Variants in KIF9 observed in about 807,000 individuals in gnomAD.
The protein encoded by KIF9 is kinesin-like protein KIF9.
In KIF9, 68 loss-of-function variants were observed where a neutral mutation model predicts 94.8. That is an observed-to-expected ratio of 0.72 (90% CI 0.59 to 0.88). KIF9 has a LOEUF of 0.88. KIF9 is among the 40% of genes least tolerant of loss of function. The probability of loss-of-function intolerance (pLI) is 0.00; values close to 1 mark genes in which losing one functional copy is unlikely to be tolerated. For synonymous variants in KIF9, 343 were observed against 362.1 expected, an observed-to-expected ratio of 0.95 and a Z score of 0.60; for missense variants, 882 against 982.5, an observed-to-expected ratio of 0.90 and a Z score of 1.37.
chr3:47,247,531 G>A (rs772139951), intron 11 of KIF9, 54 bp from the exon 12 acceptor site: 2 of 1,361,278 alleles, frequency 1.5e-6, no homozygotes, highest in South Asian at 1.2e-5. Context: ...GAGCCCACAG[G>A]GGAGTGGCAG....
At chr3:47,264,936 C>T (rs984252182) in intron 8 of KIF9, among the ~76,000 whole-genome samples, 1 of 152,164 alleles carries the variant, frequency 6.6e-6, no homozygotes, top group Non-Finnish European at 1.5e-5. Flanking sequence ...TGAGGATACG[C>T]GAGAAGGTAG....
chr3:47,282,321 A>G (rs1210392753), intron 1 of KIF9, 174 bp downstream of exon 1: 2 of 985,694 alleles, frequency 2.0e-6, no homozygotes, highest in Non-Finnish European at 2.4e-6. Flanking sequence ...AGCCGCGGTC[A>G]GGTTGAAAGG....
At position 47,265,748 on chromosome 3, in the gene KIF9, CGTG is replaced by C; in HGVS notation, c.895_897del (p.His299del). On this transcript the variant is annotated inframe_deletion, in exon 8 of 21. Transcript: ENST00000684063. The stretch of plus-strand genomic sequence containing the variant: ...CCCTCACCTAACGAGTCCTTCAGAG[CGTG>C]GGTGAGCTTGCACTGCCGAAAGGGG... 1 of 1,614,124 alleles carries C rather than the reference CGTG, an allele frequency of 6.2e-7. No homozygotes were observed. Among genetic ancestry groups the C allele is most frequent in the Non-Finnish European group, 8.5e-7 (1 of 1,180,006 alleles).
intron 20 of KIF9, among the ~76,000 whole-genome samples, chr3:47,232,845 G>A (rs1698703349): frequency 6.6e-6 from 1 of 151,386 alleles, no homozygotes; most frequent in Non-Finnish European, 1.5e-5. Context: ...AGCTGGGCGT[G>A]GTGGCGGGCA....
intron 9 of KIF9, 51 bp from the exon 10 acceptor site, chr3:47,257,611 C>T (rs1449163908): frequency 1.3e-6 from 2 of 1,511,914 alleles, no homozygotes; most frequent in Admixed American, 1.7e-5. Flanking sequence ...AAAGTGAGAC[C>T]CCAAGAGACC....
chr3:47,249,281 G>A (rs369275534), intron 10 of KIF9, among the ~76,000 whole-genome samples: 12 of 151,982 alleles, frequency 7.9e-5, no homozygotes, highest in African/African-American at 2.2e-4. Flanking sequence ...GAGCAGCTGG[G>A]ATTATAGGCA....
chr3:47,277,336 G>T lies in KIF9; in HGVS notation c.39C>A (p.Val13=). The change falls in exon 2 of 21, where the codon GTC becomes GTA. Residue 13 remains valine, a synonymous_variant. Coordinates refer to ENST00000684063, the MANE Select transcript of KIF9 (RefSeq NM_182902.4). ...TRKKVHAFVR[V]KPTDDFAHEM... ...CATGAGCAAAGTCATCGGTGGGTTT[G>T]ACACGGACAAATGCATGAACTTTTT... 2 of 1,614,010 alleles carry T rather than the reference G, an allele frequency of 1.2e-6. No individual in the cohort carries two copies. Among genetic ancestry groups the T allele is most frequent in the Non-Finnish European group, 8.5e-7 (1 of 1,179,954 alleles).
chr3:47,240,020 G>T (rs1300958846), intron 17 of KIF9: 6 of 1,082,564 alleles, frequency 5.5e-6, no homozygotes, highest in African/African-American at 4.9e-5. Flanking sequence ...GCAGGTCCTG[G>T]GCCCTGCTCC....
intron 20 of KIF9, among the ~76,000 whole-genome samples, chr3:47,233,871 C>T (rs1454097413): frequency 6.6e-6 from 1 of 152,072 alleles, no homozygotes; most frequent in Non-Finnish European, 1.5e-5. Context: ...GGGTCGATCA[C>T]CTGAGGTCAG....
intron 20 of KIF9, chr3:47,231,881 C>T (rs1698614896): frequency 6.6e-6 from 1 of 152,216 alleles, no homozygotes; most frequent in Admixed American, 6.5e-5. Flanking sequence ...AAGATGTCAG[C>T]TTAATCCTAA....
intron 10 of KIF9, chr3:47,250,748 T>C (rs984683782): frequency 9.5e-6 from 2 of 209,870 alleles, no homozygotes; most frequent in Non-Finnish European, 2.1e-5. Flanking sequence ...CTGTGAACAA[T>C]AGGACTTCCT....
intron 6 of KIF9, 49 bp from the exon 7 acceptor site, chr3:47,267,117 G>A (rs2107452192): frequency 6.2e-7 from 1 of 1,602,416 alleles, no homozygotes; most frequent in Non-Finnish European, 8.6e-7. Context: ...AGAAGTTTCT[G>A]ACTGAGCAGG....
At chr3:47,257,460 C>G (rs1310058917) in intron 10 of KIF9, 23 bp downstream of exon 10, 4 of 1,606,748 alleles carry the variant, frequency 2.5e-6, no homozygotes, top group Admixed American at 1.7e-5. Flanking sequence ...CAGTGGGACA[C>G]CTGTCCACAA....
At chr3:47,280,100 GGT>G (rs1159291411) in intron 1 of KIF9, among the ~76,000 whole-genome samples, 2 of 151,996 alleles carry the variant, frequency 1.3e-5, no homozygotes, top group African/African-American at 4.8e-5. Context: ...TGGTAGGACA[GGT>G]GTGTGTCACC....
chr3:47,247,239 G>C (rs566304861), intron 12 of KIF9, 134 bp downstream of exon 12: 1 of 606,162 alleles, frequency 1.6e-6, no homozygotes, highest in Admixed American at 2.5e-5. Flanking sequence ...CTGACATCAA[G>C]AGTCCAGCAC....
chr3:47,273,347 GTC>G (rs1701763020), intron 4 of KIF9, among the ~76,000 whole-genome samples: 1 of 152,184 alleles, frequency 6.6e-6, no homozygotes, highest in East Asian at 1.9e-4. Context: ...ATGGCTCAGA[GTC>G]TGACACCCAA....
chr3:47,257,433 C>G lies in KIF9; in HGVS notation c.1059+50G>C, dbSNP rs775250911. ...TCGCTTGTGTGACCCAAGCAGCAAA[C>G]CCATACACTTTCCCCACAGTGGGAC... On this transcript the variant is annotated intron_variant, in intron 10 of 20. Coordinates refer to ENST00000684063, the MANE Select transcript of KIF9 (RefSeq NM_182902.4). The G allele has an allele frequency of 7.2e-6, 11 of 1,520,132 alleles. No individual in the cohort carries two copies. The African/African-American group carries it at 1.5e-4, about 21-fold the overall frequency. 94.2% of individuals were successfully genotyped at this position (1,520,132 alleles called of 1,614,324 possible). A position where few individuals can be genotyped will look rare whatever the true frequency, so the allele number is the denominator to read the frequency against.
At chr3:47,282,204 C>A in intron 1 of KIF9, 1 of 985,514 alleles carries the variant, frequency 1.0e-6, no homozygotes, top group Non-Finnish European at 1.2e-6. Context: ...CTGACTAGTA[C>A]GGAAGAGTCC....
chr3:47,276,742 T>C (rs1052296765), intron 2 of KIF9, among the ~76,000 whole-genome samples: 6 of 152,172 alleles, frequency 3.9e-5, no homozygotes, highest in African/African-American at 1.4e-4. Flanking sequence ...AATTTTTCCT[T>C]TGAAGAATGT....
Sources: gnomAD v4.1 joint callset for allele counts (sites outside exome capture counted in the v4.1 genomes callset) on GRCh38, gnomAD v4.1.1 for gene constraint, MANE v1.5 for transcripts, NCBI Gene and HGNC (gene_info 2026-07-23, HGNC 2026-07-21) for gene names.